PCDHGA10: variants seen among roughly 807,000 people sequenced by gnomAD.
The protein encoded by PCDHGA10 is protocadherin gamma-A10.
In PCDHGA10, 42 loss-of-function variants were observed where a neutral mutation model predicts 59.5. The observed-to-expected ratio is 0.71, with a 90% CI of 0.55 to 0.91. The LOEUF (loss-of-function observed/expected upper bound fraction) is 0.91. PCDHGA10 is among the 40% of genes least tolerant of loss of function. PCDHGA10 has a pLI of 0.00. For synonymous variants in PCDHGA10, 511 were observed against 517.2 expected (o/e 0.99, Z 0.16); for missense variants, 1,111 against 1,198.2 (o/e 0.93, Z 1.07).
chr5:141,508,826 C>T (rs2099872187), intron 3 of PCDHGA10, among the ~76,000 whole-genome samples: 1 of 152,092 alleles, frequency 6.6e-6, no homozygotes, highest in South Asian at 2.1e-4. Context: ...AGATCTGGGC[C>T]CCCCTCCCCT....
In PCDHGA10 at chr5:141,491,762, C is replaced by T. The variant is rs1162878124; in HGVS notation, c.2437-3045C>T. The T allele has an allele frequency of 6.4e-7, 1 of 1,572,596 alleles. No homozygotes were observed. The highest frequency in any genetic ancestry group is 1.4e-5 in the African/African-American group (1 of 73,308). ...GGCGGCACTGGAGAAGCCGCCCGTC[C>T]TCATAAGGGATTGAACTTGCATCCA... On this transcript the variant is annotated intron_variant, in intron 1 of 3. Transcript: ENST00000398610. The surrounding 1 kb of genome is among the most constrained non-coding windows in gnomAD (Gnocchi z 6.9).
At chr5:141,417,602 C>G in intron 1 of PCDHGA10, 1 of 510,170 alleles carries the variant, frequency 2.0e-6, no homozygotes, top group Middle Eastern at 5.2e-4. Context: ...TGGGCGCCGC[C>G]GTCGGCCAGT....
intron 1 of PCDHGA10, chr5:141,422,152 G>A (rs979405624): frequency 1.3e-5 from 20 of 1,575,764 alleles, no homozygotes; most frequent in Non-Finnish European, 1.5e-5. Flanking sequence ...GGGGTCTCTG[G>A]ATTTTGAAAA....
intron 1 of PCDHGA10, among the ~76,000 whole-genome samples, chr5:141,450,777 G>A (rs907160074): frequency 1.3e-5 from 2 of 150,004 alleles, no homozygotes; most frequent in East Asian, 2.0e-4. Context: ...ATGAGCCACC[G>A]TGCCCGGACC....
At chr5:141,426,764 T>C (rs1285434687) in intron 1 of PCDHGA10, 5 of 456,638 alleles carry the variant, frequency 1.1e-5, no homozygotes, top group Non-Finnish European at 2.2e-5. Flanking sequence ...TAGATGCAGA[T>C]GTAGGGCCTC....
chr5:141,468,330 C>CAAAAAAAAAAA (rs533390277), intron 1 of PCDHGA10: 4 of 79,798 alleles, frequency 5.0e-5, no homozygotes, highest in Non-Finnish European at 1.1e-4. Flanking sequence ...AACTCCATCT[C>CAAAAAAAAAAA]AAAAAAAAAA....
At chr5:141,452,751 A>C (rs1592230802) in intron 1 of PCDHGA10, among the ~76,000 whole-genome samples, 1 of 152,094 alleles carries the variant, frequency 6.6e-6, no homozygotes, top group South Asian at 2.1e-4. Context: ...AGAAGGAAGA[A>C]GGAAGGGAGG....
chr5:141,450,280 T>C (rs1374970772), intron 1 of PCDHGA10, among the ~76,000 whole-genome samples: 2 of 152,166 alleles, frequency 1.3e-5, no homozygotes, highest in African/African-American at 4.8e-5. Context: ...AGCTAAGTGC[T>C]GGGATTACAG....
Position 141,491,869 on chromosome 5 carries a change from G to A in PCDHGA10, c.2437-2938G>A. On this transcript the variant is annotated intron_variant, in intron 1 of 3. Transcript: ENST00000398610. The surrounding 1 kb of genome is among the most constrained non-coding windows in gnomAD (Gnocchi z 6.9). ...GGACCGTTTGCGCGAAACCAGAGTG[G>A]CCGATTAAGGGATGGGGCTCCGAGC... The A allele has an allele frequency of 6.9e-7, 1 of 1,453,094 alleles. No individual in the cohort carries two copies. Among genetic ancestry groups the A allele is most frequent in the Non-Finnish European group, 9.1e-7 (1 of 1,099,380 alleles). 90.0% of individuals were successfully genotyped at this position (1,453,094 alleles called of 1,614,324 possible).
In PCDHGA10 at chr5:141,490,004, CA is replaced by C; in HGVS notation, c.2437-4802del. 1 of 1,614,174 alleles carries C rather than the reference CA, an allele frequency of 6.2e-7. No individual in the cohort carries two copies. Among genetic ancestry groups the C allele is most frequent in the Admixed American group, 1.7e-5 (1 of 60,034 alleles). ...CTACGTGTGGGAATCCCAGAGAATG[CA>C]CCCATTGGTACTCTGCTGCTCCGCC... On this transcript the variant is annotated intron_variant, in intron 1 of 3. Transcript: ENST00000398610. This position sits in a 1 kb window ranked among gnomAD's most constrained non-coding sequence, Gnocchi z 5.4.
rs775012950 is a variant in PCDHGA10, at chr5:141,428,225, A to T, written c.2436+12614A>T. On this transcript the variant is annotated intron_variant, in intron 1 of 3. Coordinates refer to ENST00000398610, the MANE Select transcript of PCDHGA10 (RefSeq NM_018913.3). ...GCTACGCTTCACCTAGTCTTCGCAG[A>T]CAGCCTGCAGGAGGCACTGCCAGAC... is the stretch of plus-strand genomic sequence containing the variant. 19 of 1,156,574 alleles carry T rather than the reference A, an allele frequency of 1.6e-5. No homozygotes were observed. In the Admixed American group the frequency reaches 3.1e-4, roughly 19 times the overall value. 71.6% of individuals were successfully genotyped at this position (1,156,574 alleles called of 1,614,324 possible).
At chr5:141,422,716 G>A (rs1348237465) in intron 1 of PCDHGA10, 1 of 1,604,378 alleles carries the variant, frequency 6.2e-7, no homozygotes, top group Non-Finnish European at 8.5e-7. Flanking sequence ...GGATGACACT[G>A]TCCAGGGGGT....
Position 141,447,812 on chromosome 5 carries a change from G to A in PCDHGA10, c.2436+32201G>A, listed in dbSNP as rs557330895. 5.4e-4 allele frequency among the ~76,000 whole-genome samples: 82 copies of A among 152,254 alleles called. 1 individual carries two copies. The highest frequency in any genetic ancestry group is 1.3e-3 in the Admixed American group (20 of 15,294). On this transcript the variant is annotated intron_variant, in intron 1 of 3. Coordinates refer to ENST00000398610, the MANE Select transcript of PCDHGA10 (RefSeq NM_018913.3). ...TTTAAGAAAATAAAATTGGCTGGGC[G>A]TGGTGGCTCACGCCTGTAATCCCAG...
intron 1 of PCDHGA10, among the ~76,000 whole-genome samples, chr5:141,447,898 C>T (rs531933709): frequency 3.1e-3 from 465 of 152,088 alleles, no homozygotes; most frequent in Non-Finnish European, 5.5e-3. Context: ...CCAGCCTGGC[C>T]AACATGGTGA....
In PCDHGA10 at chr5:141,490,275, C is replaced by A; in HGVS notation, c.2437-4532C>A. 6.2e-7 allele frequency: 1 copy of A among 1,614,238 alleles called. No individual in the cohort carries two copies. The highest frequency in any genetic ancestry group is 8.5e-7 in the Non-Finnish European group (1 of 1,180,044). On this transcript the variant is annotated intron_variant, in intron 1 of 3. Transcript: ENST00000398610. The surrounding 1 kb of genome is among the most constrained non-coding windows in gnomAD (Gnocchi z 5.4). Reference sequence around the variant, plus strand: ...AAGTGGATGTGGGGGATGTCAATGACAATGCCCCAGAGGTGCTATTGGCCT... The same window carrying A: ...AAGTGGATGTGGGGGATGTCAATGAAAATGCCCCAGAGGTGCTATTGGCCT...
intron 1 of PCDHGA10, among the ~76,000 whole-genome samples, chr5:141,466,916 GT>G (rs1204028461): frequency 6.6e-6 from 1 of 152,010 alleles, no homozygotes; most frequent in Non-Finnish European, 1.5e-5. Context: ...AAAACTCCTT[GT>G]ATTAGGAATA....
At chr5:141,506,076 T>C (rs2154593839) in intron 3 of PCDHGA10, among the ~76,000 whole-genome samples, 1 of 152,244 alleles carries the variant, frequency 6.6e-6, no homozygotes, top group South Asian at 2.1e-4. Flanking sequence ...TCCTTTGTAA[T>C]AGAGATTCGG....
chr5:141,431,474 G>A lies in PCDHGA10; in HGVS notation c.2436+15863G>A, dbSNP rs747313827. 2 of 1,613,842 alleles carry A rather than the reference G, an allele frequency of 1.2e-6. No homozygotes were observed. Among genetic ancestry groups the A allele is most frequent in the East Asian group, 4.5e-5 (2 of 44,886 alleles). ...GATGGTTCTGGATGCGAACGACAACGCACCAGCGTTTGCTCAGCCCGAGTA... is the reference window on the plus strand; with the variant it reads ...GATGGTTCTGGATGCGAACGACAACACACCAGCGTTTGCTCAGCCCGAGTA... On this transcript the variant is annotated intron_variant, in intron 1 of 3. Coordinates refer to ENST00000398610, the MANE Select transcript of PCDHGA10 (RefSeq NM_018913.3). This position sits in a 1 kb window ranked among gnomAD's most constrained non-coding sequence, Gnocchi z 4.8.
At chr5:141,479,023 GT>G (rs1436478867) in intron 1 of PCDHGA10, among the ~76,000 whole-genome samples, 1 of 152,056 alleles carries the variant, frequency 6.6e-6, no homozygotes, top group Non-Finnish European at 1.5e-5. Context: ...ATTTTCCTTT[GT>G]TTATACAGAT....
Sources: allele counts gnomAD v4.1 joint callset (sites outside exome capture counted in the v4.1 genomes callset), GRCh38; gene constraint gnomAD v4.1.1; non-coding constraint Gnocchi (gnomAD v3.1); transcripts MANE v1.5; gene names NCBI Gene and HGNC (gene_info 2026-07-23, HGNC 2026-07-21).